Variants in SGCZ observed in about 807,000 individuals in gnomAD.
SGCZ encodes zeta-sarcoglycan.
Under a neutral mutation model 41.3 loss-of-function variants are expected in SGCZ, and 40 were observed. The ratio of observed to expected loss-of-function variants is 0.97; its 90% CI spans 0.75 to 1.26. SGCZ has a LOEUF of 1.26. Ranked by LOEUF, SGCZ falls within the 50% of genes most tolerant of loss-of-function variation. The probability of loss-of-function intolerance (pLI) is 0.00; values close to 1 mark genes in which losing one functional copy is unlikely to be tolerated. For missense variants in SGCZ, 552 were observed against 369.8 expected (o/e 1.49, Z -4.04); for synonymous variants, 206 against 137.5 (o/e 1.50, Z -3.49).
chr8:14,664,336 T>A (rs1243880144), intron 1 of SGCZ, among the ~76,000 whole-genome samples: 3 of 152,172 alleles, frequency 2.0e-5, no homozygotes, highest in Non-Finnish European at 4.4e-5. Context: ...AATGGGAATC[T>A]CTAACTAGAA....
chr8:14,456,136 C>T (rs113133714), intron 2 of SGCZ, among the ~76,000 whole-genome samples: 10,680 of 152,140 alleles, frequency 0.07, 1,242 homozygotes, highest in African/African-American at 0.24. Flanking sequence ...AGGACACGCA[C>T]GGTGGCTCAC....
chr8:14,642,811 T>G (rs965116965), intron 1 of SGCZ, among the ~76,000 whole-genome samples: 2 of 151,606 alleles, frequency 1.3e-5, no homozygotes, highest in Non-Finnish European at 3.0e-5. Context: ...ACTGACTTTT[T>G]GTACTGAAAC....
chr8:14,752,113 G>C (rs375672854), intron 1 of SGCZ, among the ~76,000 whole-genome samples: 14 of 17,408 alleles, frequency 8.0e-4, no homozygotes, highest in African/African-American at 1.1e-3. Context: ...GAAAACAAAA[G>C]AAAACAAAAC....
At chr8:14,130,706 G>A (rs1485918243) in intron 5 of SGCZ, among the ~76,000 whole-genome samples, 1 of 152,156 alleles carries the variant, frequency 6.6e-6, no homozygotes, top group East Asian at 1.9e-4. Flanking sequence ...GAAAAATCAA[G>A]CTGCAGACAT....
At chr8:14,219,893 G>A (rs753107631) in intron 4 of SGCZ, among the ~76,000 whole-genome samples, 2 of 152,152 alleles carry the variant, frequency 1.3e-5, no homozygotes, top group Non-Finnish European at 2.9e-5. Context: ...GTAGGATGCA[G>A]AAAATGCTTT....
chr8:14,354,386 C>G (rs1372344291), intron 2 of SGCZ, among the ~76,000 whole-genome samples: 2 of 151,654 alleles, frequency 1.3e-5, no homozygotes, highest in Admixed American at 6.6e-5. Flanking sequence ...TTAAAAAACT[C>G]CTATAATGAT....
intron 2 of SGCZ, among the ~76,000 whole-genome samples, chr8:14,549,164 T>C (rs995542608): frequency 1.3e-5 from 2 of 152,040 alleles, no homozygotes; most frequent in Non-Finnish European, 2.9e-5. Flanking sequence ...TGTGTGTGTG[T>C]GTGTCTAAAA....
At chr8:15,020,400 G>A (rs906786460) in intron 1 of SGCZ, among the ~76,000 whole-genome samples, 8 of 152,128 alleles carry the variant, frequency 5.3e-5, no homozygotes, top group African/African-American at 1.9e-4. Flanking sequence ...CTCCCACACT[G>A]CCTCAATTGC....
At chr8:14,537,095 G>T (rs1803319515) in intron 2 of SGCZ, among the ~76,000 whole-genome samples, 1 of 151,884 alleles carries the variant, frequency 6.6e-6, no homozygotes, top group South Asian at 2.1e-4. Flanking sequence ...CAGCTCTTCT[G>T]AATACCCAGC....
chr8:14,136,656 A>G (rs1184038537), intron 5 of SGCZ, among the ~76,000 whole-genome samples: 1 of 152,174 alleles, frequency 6.6e-6, no homozygotes, highest in Non-Finnish European at 1.5e-5. Context: ...GGAAGCTCCA[A>G]CTGGATGCAG....
intron 1 of SGCZ, among the ~76,000 whole-genome samples, chr8:14,647,339 A>G (rs1807255010): frequency 6.6e-6 from 1 of 152,022 alleles, no homozygotes; most frequent in African/African-American, 2.4e-5. Flanking sequence ...TGAGAAGAAA[A>G]TAGGCTTTAT....
intron 1 of SGCZ, among the ~76,000 whole-genome samples, chr8:14,697,310 T>C (rs1808995999): frequency 6.6e-6 from 1 of 152,046 alleles, no homozygotes; most frequent in Admixed American, 6.6e-5. Context: ...GTTTCTGTAT[T>C]TGCACAAATG....
intron 2 of SGCZ, among the ~76,000 whole-genome samples, chr8:14,487,614 G>A (rs1025624201): frequency 6.6e-5 from 10 of 151,994 alleles, no homozygotes; most frequent in African/African-American, 2.4e-4. Context: ...ATTACTTGAG[G>A]ATGGTTTAAA....
At chr8:14,195,559 T>A (rs548563324) in intron 4 of SGCZ, among the ~76,000 whole-genome samples, 9 of 152,166 alleles carry the variant, frequency 5.9e-5, no homozygotes, top group African/African-American at 1.7e-4. Context: ...TCTCAACAAA[T>A]CCTCAGCACA....
At chr8:14,917,952 A>G (rs1799485989) in intron 1 of SGCZ, among the ~76,000 whole-genome samples, 1 of 152,152 alleles carries the variant, frequency 6.6e-6, no homozygotes, top group South Asian at 2.1e-4. Context: ...TCTGCAAAAT[A>G]TTAGGCTAGT....
At chr8:14,193,588 T>C (rs1178260642) in intron 4 of SGCZ, among the ~76,000 whole-genome samples, 1 of 152,110 alleles carries the variant, frequency 6.6e-6, no homozygotes, top group African/African-American at 2.4e-5. Context: ...TAATTTAATT[T>C]TGCACATTAA....
At chr8:14,461,210 A>G (rs73188273) in intron 2 of SGCZ, among the ~76,000 whole-genome samples, 25,874 of 152,012 alleles carry the variant, frequency 0.17, 2,771 homozygotes, top group African/African-American at 0.31. Context: ...TTCCCTCAAT[A>G]GTGATAACTT....
intron 1 of SGCZ, among the ~76,000 whole-genome samples, chr8:15,087,241 G>A (rs976997283): frequency 1.3e-5 from 2 of 151,836 alleles, no homozygotes; most frequent in South Asian, 2.1e-4. Context: ...AGTAAAGTTC[G>A]ACCAAAATCT....
At chr8:14,597,397 A>G (rs1805448342) in intron 1 of SGCZ, among the ~76,000 whole-genome samples, 1 of 152,246 alleles carries the variant, frequency 6.6e-6, no homozygotes, top group African/African-American at 2.4e-5. Context: ...AAGATAATTT[A>G]TAAATAGATT....
Sources: gnomAD v4.1 joint callset for allele counts (sites outside exome capture counted in the v4.1 genomes callset) on GRCh38, gnomAD v4.1.1 for gene constraint, MANE v1.5 for transcripts, NCBI Gene and HGNC (gene_info 2026-07-23, HGNC 2026-07-21) for gene names.